Variants in CXCL13 observed in about 807,000 individuals in gnomAD.
The protein encoded by CXCL13 is C-X-C motif chemokine 13.
CXCL13 carries 7 observed loss-of-function variants against 12.2 expected under a neutral mutation model. The ratio of observed to expected loss-of-function variants is 0.57; its 90% confidence interval spans 0.33 to 1.07. The LOEUF (loss-of-function observed/expected upper bound fraction) is 1.07. Among genes scored for constraint, CXCL13 ranks in the 50% least tolerant of loss-of-function variants. The probability of loss-of-function intolerance (pLI) is 0.04; values close to 1 mark genes in which losing one functional copy is unlikely to be tolerated. For synonymous variants in CXCL13, 47 were observed against 42.4 expected, an observed-to-expected ratio of 1.11 and a Z score of -0.42; for missense variants, 113 against 127.4, an observed-to-expected ratio of 0.89 and a Z score of 0.55.
chr4:77,602,100 CTACTT>C (rs565115727), upstream of CXCL13, among the ~76,000 whole-genome samples: 37 of 152,312 alleles, frequency 2.4e-4, no homozygotes, highest in African/African-American at 7.5e-4. Context: ...TTACTACAAA[CTACTT>C]TATTTAATCA....
chr4:77,588,742 C>T (rs1726540576), intron 1 of CXCL13, among the ~76,000 whole-genome samples: 1 of 152,104 alleles, frequency 6.6e-6, no homozygotes, highest in Non-Finnish European at 1.5e-5. Context: ...GGTTCTTTTC[C>T]TGGATTAATT....
chr4:77,540,912 C>T (rs1364981929), intron 1 of CXCL13, among the ~76,000 whole-genome samples: 1 of 152,078 alleles, frequency 6.6e-6, no homozygotes, highest in Non-Finnish European at 1.5e-5. Flanking sequence ...CACAGCATCA[C>T]CATCTGTTAG....
At chr4:77,527,150 C>G (rs915846300) in intron 1 of CXCL13, among the ~76,000 whole-genome samples, 1 of 152,130 alleles carries the variant, frequency 6.6e-6, no homozygotes, top group African/African-American at 2.4e-5. Flanking sequence ...AGATGCCCAA[C>G]ACCATTAATC....
chr4:77,605,132 C>T (rs72861977), upstream of CXCL13, among the ~76,000 whole-genome samples: 1,387 of 152,242 alleles, frequency 9.1e-3, 19 homozygotes, highest in African/African-American at 0.032. Context: ...GACTTGCACA[C>T]GACAGCCAGA....
chr4:77,515,624 A>G (rs1310346266), intron 1 of CXCL13, among the ~76,000 whole-genome samples: 4 of 152,178 alleles, frequency 2.6e-5, no homozygotes, highest in African/African-American at 9.7e-5. Flanking sequence ...TTATTGGTGT[A>G]TAAGAATGCT....
rs1282733902 is a variant in CXCL13 at position 77,611,789 on chromosome 4, A to G, written c.*750A>G. The G allele has an allele frequency of 1.0e-5, 4 of 398,376 alleles. No homozygotes were observed. The East Asian group carries it at 1.1e-4, about 11-fold the overall frequency. 24.7% of individuals were successfully genotyped at this position (398,376 alleles called of 1,614,324 possible). A position where few individuals can be genotyped will look rare whatever the true frequency, so the allele number is the denominator to read the frequency against. On this transcript the variant is annotated 3_prime_UTR_variant, in exon 4 of 4. Transcript: ENST00000682537. ...GGTATCTAATTCTTTAATGATTCCT[A>G]TAAATCTAATGACATTCAATAAAGT...
intron 1 of CXCL13, among the ~76,000 whole-genome samples, chr4:77,578,543 G>A (rs994807108): frequency 2.0e-5 from 3 of 152,196 alleles, no homozygotes; most frequent in South Asian, 2.1e-4. Context: ...GTGGAGCCAC[G>A]AGAATTTCAT....
At chr4:77,570,749 A>C (rs2650919) in intron 1 of CXCL13, among the ~76,000 whole-genome samples, 1 of 150,228 alleles carries the variant, frequency 6.7e-6, no homozygotes, top group African/African-American at 2.5e-5. Flanking sequence ...TGGTGGTCCT[A>C]TAGTCAGAGC....
rs527541175 is a variant in CXCL13 at position 77,529,778 on chromosome 4, G to T, written c.-43+17990G>T. On this transcript the variant is annotated intron_variant, in intron 1 of 4. Coordinates refer to the CXCL13 transcript ENST00000286758. ...TGAATACCCTTTATTTCCTTCTCCTGCCTGATTGCCCTGGCCAGAACTTCC... is the reference window on the plus strand; with the variant it reads ...TGAATACCCTTTATTTCCTTCTCCTTCCTGATTGCCCTGGCCAGAACTTCC... Among the ~76,000 whole-genome samples the T allele has an allele frequency of 4.9e-4, 75 of 152,180 alleles. 4 individuals carry two copies. The South Asian group carries it at 0.015, about 30-fold the overall frequency.
intron 1 of CXCL13, among the ~76,000 whole-genome samples, chr4:77,577,438 G>T (rs943052622): frequency 6.6e-6 from 1 of 152,128 alleles, no homozygotes; most frequent in Non-Finnish European, 1.5e-5. Context: ...GATCTGAGGG[G>T]TCCGGAGGCA....
intron 1 of CXCL13, among the ~76,000 whole-genome samples, chr4:77,554,243 T>C (rs1046599279): frequency 7.2e-5 from 11 of 152,106 alleles, no homozygotes; most frequent in African/African-American, 2.6e-4. Context: ...AATAAAATAA[T>C]ATGTTCAAAT....
At chr4:77,558,690 A>C (rs1378568286) in intron 1 of CXCL13, among the ~76,000 whole-genome samples, 1 of 152,154 alleles carries the variant, frequency 6.6e-6, no homozygotes, top group African/African-American at 2.4e-5. Flanking sequence ...AGGAAAATGA[A>C]GATTCAAGAT....
intron 1 of CXCL13, among the ~76,000 whole-genome samples, chr4:77,536,303 C>T (rs543303721): frequency 1.4e-3 from 207 of 152,314 alleles, no homozygotes; most frequent in South Asian, 3.1e-3. Flanking sequence ...AAATACCAAT[C>T]ATTTAATCAT....
intron 1 of CXCL13, among the ~76,000 whole-genome samples, chr4:77,525,603 A>G (rs1331142419): frequency 6.6e-6 from 1 of 152,056 alleles, no homozygotes; most frequent in Non-Finnish European, 1.5e-5. Flanking sequence ...AGAACATATG[A>G]CACAGTTGAG....
At chr4:77,562,130 C>T (rs1253083381) in intron 1 of CXCL13, among the ~76,000 whole-genome samples, 1 of 151,938 alleles carries the variant, frequency 6.6e-6, no homozygotes, top group South Asian at 2.1e-4. Flanking sequence ...GACCTGCAGC[C>T]CTCCCGGCAC....
At chr4:77,561,482 T>C (rs182454363) in intron 1 of CXCL13, among the ~76,000 whole-genome samples, 26 of 152,354 alleles carry the variant, frequency 1.7e-4, no homozygotes, top group Admixed American at 1.6e-3. Flanking sequence ...GCTATTTCTG[T>C]TTACAGATGA....
At chr4:77,585,863 T>C (rs1726444674) in intron 1 of CXCL13, among the ~76,000 whole-genome samples, 1 of 152,212 alleles carries the variant, frequency 6.6e-6, no homozygotes, top group African/African-American at 2.4e-5. Context: ...AGGGATGAAA[T>C]CTACACTTGC....
At chr4:77,562,309 C>A (rs1355395257) in intron 1 of CXCL13, among the ~76,000 whole-genome samples, 1 of 151,914 alleles carries the variant, frequency 6.6e-6, no homozygotes, top group Non-Finnish European at 1.5e-5. Context: ...ATCGACTGCC[C>A]AAGGGCTGAG....
intron 1 of CXCL13, among the ~76,000 whole-genome samples, chr4:77,534,067 G>T (rs183073197): frequency 6.6e-6 from 1 of 152,162 alleles, no homozygotes; most frequent in African/African-American, 2.4e-5. Context: ...ACACTCCCCA[G>T]TGAGATGAAC....
Sources: allele counts gnomAD v4.1 joint callset (sites outside exome capture counted in the v4.1 genomes callset), GRCh38; gene constraint gnomAD v4.1.1; transcripts MANE v1.5; gene names NCBI Gene and HGNC (gene_info 2026-07-23, HGNC 2026-07-21).